Variants in TRIM2 observed in about 807,000 individuals in gnomAD.
TRIM2 encodes tripartite motif-containing protein 2.
A neutral mutation model predicts 75.2 loss-of-function variants in TRIM2; 20 were observed. The ratio of observed to expected loss-of-function variants is 0.27; its 90% CI spans 0.19 to 0.39. TRIM2 has a LOEUF of 0.39. Ranked by LOEUF, TRIM2 falls within the 10% of genes least tolerant of loss-of-function variation. TRIM2 has a pLI of 1.00. For missense variants in TRIM2, 660 were observed against 990.8 expected (o/e 0.67, Z 4.48); for synonymous variants, 373 against 388.3 (o/e 0.96, Z 0.46).
At chr4:153,305,028 T>G (rs1486159958) in intron 6 of TRIM2, among the ~76,000 whole-genome samples, 1 of 152,182 alleles carries the variant, frequency 6.6e-6, no homozygotes, top group Non-Finnish European at 1.5e-5. Context: ...TTTAGAGTGA[T>G]GTGATGGAGT....
At chr4:153,305,593 G>T (rs1054677128) in intron 6 of TRIM2, among the ~76,000 whole-genome samples, 2 of 152,184 alleles carry the variant, frequency 1.3e-5, no homozygotes, top group Non-Finnish European at 2.9e-5. Context: ...TAGGGCTTCT[G>T]TACTGCATCA....
chr4:153,278,211 C>A (rs144669542), intron 3 of TRIM2, among the ~76,000 whole-genome samples: 31 of 152,240 alleles, frequency 2.0e-4, no homozygotes, highest in Non-Finnish European at 3.7e-4. Context: ...CTTAAGCGAT[C>A]TTTCCACCTC....
intron 1 of TRIM2, among the ~76,000 whole-genome samples, chr4:153,161,871 C>G (rs1435629954): frequency 6.6e-6 from 1 of 152,166 alleles, no homozygotes; most frequent in African/African-American, 2.4e-5. Context: ...TATTAGGGAA[C>G]ATAAAGTTGC....
chr4:153,221,632 G>A (rs1740024694), intron 1 of TRIM2, among the ~76,000 whole-genome samples: 1 of 151,872 alleles, frequency 6.6e-6, no homozygotes, highest in African/African-American at 2.4e-5. Flanking sequence ...GCTTTTTCAA[G>A]CTTTGTATTC....
chr4:153,266,263 G>C (rs541290091), intron 1 of TRIM2, among the ~76,000 whole-genome samples: 2 of 151,464 alleles, frequency 1.3e-5, no homozygotes, highest in Non-Finnish European at 2.9e-5. Context: ...TTGACCTCCC[G>C]AGCTCAAGCA....
chr4:153,273,374 C>T (rs1261141729), intron 2 of TRIM2, among the ~76,000 whole-genome samples: 7 of 143,256 alleles, frequency 4.9e-5, no homozygotes, highest in Non-Finnish European at 9.1e-5. Context: ...CTCCCGGGTT[C>T]ACGCCATTCT....
At position 153,153,606 on chromosome 4, in the gene TRIM2, G is replaced by C. The variant is rs578179249; in HGVS notation, c.-49+336G>C. ...GCCCCGTCCCGCCCCCGATCTTTCC[G>C]GCCCTTTTTGAAGATGGAGAGAAGG... On this transcript the variant is annotated intron_variant, in intron 1 of 11. Transcript: ENST00000437508. Among the ~76,000 whole-genome samples, 4 of 152,252 alleles carry C rather than the reference G, an allele frequency of 2.6e-5. No homozygotes were observed. In the East Asian group the frequency reaches 5.8e-4, roughly 22 times the overall value.
At chr4:153,188,172 A>T (rs1732804229) in intron 1 of TRIM2, among the ~76,000 whole-genome samples, 7 of 152,312 alleles carry the variant, frequency 4.6e-5, no homozygotes, top group Admixed American at 3.9e-4. Context: ...TACTTGTAAG[A>T]GCGAGGGCCA....
chr4:153,232,245 G>C (rs1326626549), intron 1 of TRIM2, among the ~76,000 whole-genome samples: 2 of 152,174 alleles, frequency 1.3e-5, no homozygotes, highest in East Asian at 3.8e-4. Context: ...AGGCGAGGTG[G>C]CTGACGCCTG....
chr4:153,234,607 C>A, intron 1 of TRIM2, among the ~76,000 whole-genome samples: 1 of 152,268 alleles, frequency 6.6e-6, no homozygotes, highest in African/African-American at 2.4e-5. Flanking sequence ...ACTGAATGTC[C>A]TTGTGGCTTA....
At chr4:153,300,602 C>T (rs189758115) in intron 6 of TRIM2, among the ~76,000 whole-genome samples, 64 of 152,054 alleles carry the variant, frequency 4.2e-4, no homozygotes, top group Admixed American at 1.4e-3. Flanking sequence ...TGTGCAGTGG[C>T]GTGATCTCAG....
chr4:153,230,025 C>T (rs548393702), intron 1 of TRIM2, among the ~76,000 whole-genome samples: 6 of 152,210 alleles, frequency 3.9e-5, no homozygotes, highest in African/African-American at 1.4e-4. Flanking sequence ...GACAGGAGTT[C>T]ACAGGCTAAC....
chr4:153,235,176 A>T (rs934814574), intron 1 of TRIM2, among the ~76,000 whole-genome samples: 1 of 152,180 alleles, frequency 6.6e-6, no homozygotes, highest in Non-Finnish European at 1.5e-5. Flanking sequence ...TGAAGTCACT[A>T]ATCATTGGTG....
intron 1 of TRIM2, among the ~76,000 whole-genome samples, chr4:153,263,465 A>T (rs1012872577): frequency 1.3e-5 from 2 of 152,250 alleles, no homozygotes; most frequent in African/African-American, 4.8e-5. Flanking sequence ...GCTGCTGTGA[A>T]TAAGTCCGTT....
At chr4:153,286,194 T>C (rs550336755) in intron 3 of TRIM2, among the ~76,000 whole-genome samples, 151 of 152,360 alleles carry the variant, frequency 9.9e-4, no homozygotes, top group Non-Finnish European at 2.0e-3. Context: ...GCTCATGATA[T>C]ATAATCTCTT....
chr4:153,328,459 T>G, intron 10 of TRIM2, 71 bp from the exon 11 acceptor site: 1 of 1,375,388 alleles, frequency 7.3e-7, no homozygotes, highest in Non-Finnish European at 9.8e-7. Flanking sequence ...CAAATAGATA[T>G]TTTTTTAATC....
At chr4:153,180,671 T>A (rs1731960682) in intron 1 of TRIM2, among the ~76,000 whole-genome samples, 1 of 152,144 alleles carries the variant, frequency 6.6e-6, no homozygotes, top group Non-Finnish European at 1.5e-5. Flanking sequence ...AGAGAGGGTG[T>A]TTCGCCATGT....
chr4:153,261,967 C>T (rs370963628), intron 1 of TRIM2, among the ~76,000 whole-genome samples: 5 of 152,112 alleles, frequency 3.3e-5, no homozygotes, highest in African/African-American at 4.8e-5. Context: ...AGGGAAGAAA[C>T]GCTGGAGCTG....
intron 1 of TRIM2, among the ~76,000 whole-genome samples, chr4:153,163,495 CTTTTT>C (rs70949644): frequency 1.0e-5 from 1 of 98,680 alleles, no homozygotes; most frequent in Non-Finnish European, 1.9e-5. Context: ...AGATTTACAT[CTTTTT>C]TTTTTTTTTT....
Sources: allele counts gnomAD v4.1 joint callset (sites outside exome capture counted in the v4.1 genomes callset), GRCh38; gene constraint gnomAD v4.1.1; transcripts MANE v1.5; gene names NCBI Gene and HGNC (gene_info 2026-07-23, HGNC 2026-07-21).